Variants in FUT8 observed in about 807,000 individuals in gnomAD.
The protein encoded by FUT8 is alpha-(1,6)-fucosyltransferase.
Under a neutral mutation model 71.3 loss-of-function variants are expected in FUT8, and 29 were observed. The ratio of observed to expected loss-of-function variants is 0.41; its 90% CI spans 0.30 to 0.55. The LOEUF is 0.55. Ranked by LOEUF, FUT8 falls within the 20% of genes least tolerant of loss-of-function variation. FUT8 has a pLI of 0.34. For missense variants in FUT8, 544 were observed against 702.1 expected (o/e 0.77, Z 2.55); for synonymous variants, 254 against 239.3 (o/e 1.06, Z -0.57).
intron 2 of FUT8, chr14:65,457,975 G>C (rs1329557062): frequency 6.6e-6 from 1 of 152,048 alleles, no homozygotes; most frequent in Non-Finnish European, 1.5e-5. Context: ...GAGGTCAGGA[G>C]ATCGAGACCA....
chr14:65,443,015 T>C lies in FUT8; in HGVS notation c.-325-12606T>C, dbSNP rs576370843. ...GTATAGAAAATGTACCATACTAATA[T>C]AAGATGTTAATAATAGGGAAAACCG... On this transcript the variant is annotated intron_variant, in intron 1 of 10. Transcript: ENST00000673929. 6.6e-5 allele frequency among the ~76,000 whole-genome samples: 10 copies of C among 152,176 alleles called. No homozygotes were observed. In the South Asian group the frequency reaches 1.7e-3, roughly 25 times the overall value.
the FUT8 span, among the ~76,000 whole-genome samples, chr14:65,372,887 T>C: frequency 6.6e-5 from 10 of 152,180 alleles, no homozygotes; most frequent in Non-Finnish European, 1.3e-4. Flanking sequence ...GTTGGAGGCT[T>C]TCCTCACATA....
At chr14:65,732,732 A>G (rs1297242774) in intron 9 of FUT8, among the ~76,000 whole-genome samples, 1 of 152,196 alleles carries the variant, frequency 6.6e-6, no homozygotes, top group South Asian at 2.1e-4. Context: ...ACAAATTTTT[A>G]AAATATTCAT....
intron 7 of FUT8, among the ~76,000 whole-genome samples, chr14:65,699,918 C>T (rs578002915): frequency 6.2e-4 from 94 of 152,262 alleles, no homozygotes; most frequent in Non-Finnish European, 1.1e-3. Flanking sequence ...ATATTCTAGT[C>T]TAACCCAGCA....
intron 3 of FUT8, among the ~76,000 whole-genome samples, chr14:65,595,186 G>A (rs559872159): frequency 3.9e-5 from 6 of 152,148 alleles, no homozygotes; most frequent in African/African-American, 1.4e-4. Flanking sequence ...CATTTATCTG[G>A]CACCTTATAT....
rs1885924462 is a variant in FUT8, at chr14:65,561,742, T to G, written c.179T>G (p.Leu60Trp). The change falls in exon 3 of 11, where the codon TTG becomes TGG. Residue 60 changes from leucine to tryptophan, a missense_variant. By Grantham distance (61) the Leu-to-Trp change is moderately conservative. Transcript: ENST00000673929. ...LERLKQQNEDLRRMAESLRIP... is the reference protein window; with the variant it reads ...LERLKQQNEDWRRMAESLRIP... ...CGCTTAAAACAACAGAATGAAGACT[T>G]GAGGCGAATGGCCGAATCTCTCCGG... 6.2e-7 allele frequency: 1 copy of G among 1,613,160 alleles called. No individual in the cohort carries two copies. Among genetic ancestry groups the G allele is most frequent in the South Asian group, 1.1e-5 (1 of 91,050 alleles).
the FUT8 span, among the ~76,000 whole-genome samples, chr14:65,356,934 T>C: frequency 6.6e-6 from 1 of 152,200 alleles, no homozygotes; most frequent in African/African-American, 2.4e-5. This position sits in a 1 kb window ranked among gnomAD's most constrained non-coding sequence, Gnocchi z 4.6. Flanking sequence ...CCACCTGAGT[T>C]GATTTCATTC....
intron 2 of FUT8, chr14:65,468,287 T>G: frequency 1.6e-6 from 1 of 620,534 alleles, no homozygotes; most frequent in South Asian, 1.4e-5. Flanking sequence ...CCATGTTTAC[T>G]AAAAGGCCTA....
intron 6 of FUT8, among the ~76,000 whole-genome samples, chr14:65,630,898 C>T (rs1269493762): frequency 5.3e-5 from 8 of 152,288 alleles, no homozygotes; most frequent in Non-Finnish European, 8.8e-5. Context: ...ATACTGTGTA[C>T]GCTCTACTTT....
chr14:65,512,974 T>C (rs1882462409), intron 2 of FUT8, among the ~76,000 whole-genome samples: 1 of 152,026 alleles, frequency 6.6e-6, no homozygotes, highest in Admixed American at 6.6e-5. Flanking sequence ...CATCCTTTTC[T>C]TAGTACTCTT....
chr14:65,465,949 TGTA>T (rs2066038180), intron 2 of FUT8, among the ~76,000 whole-genome samples: 1 of 152,250 alleles, frequency 6.6e-6, no homozygotes, highest in African/African-American at 2.4e-5. Flanking sequence ...TTTGACACTC[TGTA>T]GTTAGGTACA....
At chr14:65,529,420 A>T (rs1294082062) in intron 2 of FUT8, 1 of 152,194 alleles carries the variant, frequency 6.6e-6, no homozygotes, top group South Asian at 2.1e-4. Context: ...TTTAGTAGAG[A>T]CGGGGTTTCA....
intron 1 of FUT8, among the ~76,000 whole-genome samples, chr14:65,450,927 G>A (rs892509583): frequency 4.0e-5 from 6 of 150,828 alleles, no homozygotes; most frequent in Non-Finnish European, 5.9e-5. Context: ...GTGCAGTGGC[G>A]CTCACTGCAA....
intron 1 of FUT8, among the ~76,000 whole-genome samples, chr14:65,430,632 G>A (rs1031273478): frequency 1.9e-4 from 29 of 152,200 alleles, no homozygotes; most frequent in South Asian, 1.0e-3. Flanking sequence ...TAAGAAAATA[G>A]ACATTAAGGA....
In FUT8 at chr14:65,445,960, A is replaced by G. The variant is rs543937242; in HGVS notation, c.-325-9661A>G. Among the ~76,000 whole-genome samples the G allele has an allele frequency of 1.4e-4, 22 of 152,338 alleles. 1 individual carries two copies. In the South Asian group the frequency reaches 4.1e-3, roughly 29 times the overall value. ...CTTTCATATTAAAATAATTAGCACTATAATCATGTGCAAAGAATTGGGATG... is the reference window on the plus strand; with the variant it reads ...CTTTCATATTAAAATAATTAGCACTGTAATCATGTGCAAAGAATTGGGATG... On this transcript the variant is annotated intron_variant, in intron 1 of 10. Coordinates refer to ENST00000673929, the MANE Select transcript of FUT8 (RefSeq NM_001371533.1).
chr14:65,658,026 A>G (rs1261855082), intron 6 of FUT8, among the ~76,000 whole-genome samples: 1 of 152,196 alleles, frequency 6.6e-6, no homozygotes, highest in African/African-American at 2.4e-5. Flanking sequence ...AGAGGATGAA[A>G]GAGAAGCCAT....
At chr14:65,424,217 T>C (rs1418485189) in intron 1 of FUT8, among the ~76,000 whole-genome samples, 1 of 152,244 alleles carries the variant, frequency 6.6e-6, no homozygotes, top group Admixed American at 6.5e-5. Context: ...CACATGGTAC[T>C]TTAAGCAAAT....
chr14:65,412,228 C>T (rs1334864467), upstream of FUT8: 1 of 456,740 alleles, frequency 2.2e-6, no homozygotes, highest in Admixed American at 2.3e-5. Flanking sequence ...ATTGTAGGAT[C>T]GCGCTGGAAG....
chr14:65,678,941 T>C (rs575680314), intron 7 of FUT8, among the ~76,000 whole-genome samples: 11 of 152,270 alleles, frequency 7.2e-5, no homozygotes, highest in African/African-American at 2.6e-4. Flanking sequence ...AAAAACGTAG[T>C]ATTGAAGCAC....
Sources: gnomAD v4.1 joint callset for allele counts (sites outside exome capture counted in the v4.1 genomes callset) on GRCh38, gnomAD v4.1.1 for gene constraint, Gnocchi (gnomAD v3.1) non-coding constraint, MANE v1.5 for transcripts, NCBI Gene and HGNC (gene_info 2026-07-23, HGNC 2026-07-21) for gene names.